SLC12A2: variants seen among roughly 807,000 people sequenced by gnomAD.
SLC12A2 encodes the protein Na-K-2Cl cotransporter 1.
A neutral mutation model predicts 136.3 loss-of-function variants in SLC12A2; 67 were observed. That is an observed-to-expected ratio of 0.49 (90% CI 0.40 to 0.60). SLC12A2 has a LOEUF of 0.60. Among genes scored for constraint, SLC12A2 ranks in the 20% least tolerant of loss-of-function variants. SLC12A2 has a pLI of 0.00. For missense variants in SLC12A2, 1,322 were observed against 1,534.7 expected (o/e 0.86, Z 2.32); for synonymous variants, 619 against 562.9 (o/e 1.10, Z -1.41).
At chr5:128,158,701 T>C (rs1762939650) in intron 16 of SLC12A2, among the ~76,000 whole-genome samples, 1 of 152,194 alleles carries the variant, frequency 6.6e-6, no homozygotes, top group African/African-American at 2.4e-5. Context: ...CAATTTATGT[T>C]CCTTTGGATA....
intron 6 of SLC12A2, among the ~76,000 whole-genome samples, chr5:128,134,639 T>C (rs995080780): frequency 1.3e-5 from 2 of 152,086 alleles, no homozygotes; most frequent in Non-Finnish European, 2.9e-5. Context: ...TAAATAAAAG[T>C]TATTGCCCAC....
At position 128,112,870 on chromosome 5, in the gene SLC12A2, T is replaced by C; in HGVS notation, c.813T>C (p.Ala271=). 1 of 1,613,302 alleles carries C rather than the reference T, an allele frequency of 6.2e-7. No individual in the cohort carries two copies. The change falls in exon 2 of 27, where the codon GCT becomes GCC. Residue 271 remains alanine (A), a synonymous_variant. Coordinates refer to ENST00000262461, the MANE Select transcript of SLC12A2 (RefSeq NM_001046.3). The part of the protein sequence containing the change: ...NGEESTPTRD[A]VVTYTAESKG... ...AAGAAAGTACTCCAACCAGAGATGCTGTGGTCACGTATACTGCAGAAAGTA... is the reference window on the plus strand; with the variant it reads ...AAGAAAGTACTCCAACCAGAGATGCCGTGGTCACGTATACTGCAGAAAGTA...
chr5:128,148,385 A>G (rs1353139674), intron 11 of SLC12A2, among the ~76,000 whole-genome samples: 3 of 151,826 alleles, frequency 2.0e-5, no homozygotes, highest in Non-Finnish European at 4.4e-5. Flanking sequence ...AAGTGTTATA[A>G]TCAAGATTTT....
At chr5:128,119,333 G>A (rs1761467320) in intron 4 of SLC12A2, among the ~76,000 whole-genome samples, 1 of 152,024 alleles carries the variant, frequency 6.6e-6, no homozygotes, top group Non-Finnish European at 1.5e-5. Flanking sequence ...CAAAGGTTGG[G>A]GAACATTATG....
In SLC12A2 at chr5:128,112,870, T is replaced by A; in HGVS notation, c.813T>A (p.Ala271=). The A allele has an allele frequency of 1.9e-6, 3 of 1,613,302 alleles. No individual in the cohort carries two copies. Among genetic ancestry groups the A allele is most frequent in the Non-Finnish European group, 2.5e-6 (3 of 1,179,374 alleles). ...NGEESTPTRD[A]VVTYTAESKG... ...AAGAAAGTACTCCAACCAGAGATGC[T>A]GTGGTCACGTATACTGCAGAAAGTA... The change falls in exon 2 of 27, where the codon GCT becomes GCA. Residue 271 remains alanine (A), a synonymous_variant. Transcript: ENST00000262461.
At chr5:128,160,623 G>A (rs938677023) in intron 16 of SLC12A2, among the ~76,000 whole-genome samples, 10 of 152,176 alleles carry the variant, frequency 6.6e-5, no homozygotes, top group Non-Finnish European at 1.0e-4. Context: ...TTTTTAATCC[G>A]AAAGTAGTTT....
At chr5:128,096,489 T>G (rs1302004648) in intron 1 of SLC12A2, among the ~76,000 whole-genome samples, 2 of 152,084 alleles carry the variant, frequency 1.3e-5, no homozygotes, top group Admixed American at 6.6e-5. Flanking sequence ...ATAGGAAGAT[T>G]TTTTTCTTTG....
chr5:128,105,750 T>C (rs976881380), intron 1 of SLC12A2, among the ~76,000 whole-genome samples: 6 of 152,238 alleles, frequency 3.9e-5, no homozygotes, highest in Non-Finnish European at 8.8e-5. Context: ...GAAGTAATGA[T>C]GATGGAGACC....
chr5:128,129,007 CTT>C (rs758913992), intron 4 of SLC12A2, among the ~76,000 whole-genome samples: 56 of 151,958 alleles, frequency 3.7e-4, no homozygotes, highest in African/African-American at 1.1e-3. Context: ...TTGTGAAAGA[CTT>C]TTAAATCTTT....
chr5:128,184,388 A>G lies in SLC12A2; in HGVS notation c.3322A>G (p.Ile1108Val), dbSNP rs1404706330. The change falls in exon 25 of 27, where the codon ATT becomes GTT. Residue 1108 changes from isoleucine (I) to valine (V), a missense_variant. By Grantham distance (29) the Ile-to-Val change is conservative. Transcript: ENST00000262461. ...KENIIAFEEI[I>V]EPYRLHEDDK... ...AAGTATTATAGCTTTTGAGGAAATC[A>G]TTGAGCCATACAGACTTCATGAAGA... The G allele has an allele frequency of 6.4e-7, 1 of 1,563,580 alleles. No homozygotes were observed. Among genetic ancestry groups the G allele is most frequent in the South Asian group, 1.2e-5 (1 of 83,464 alleles).
intron 17 of SLC12A2, among the ~76,000 whole-genome samples, chr5:128,166,857 C>T (rs1763221149): frequency 1.3e-5 from 2 of 151,876 alleles, no homozygotes; most frequent in African/African-American, 2.4e-5. Context: ...TGTGTGTGCA[C>T]ACAATCTTGG....
chr5:128,150,142 T>C, intron 13 of SLC12A2, 44 bp downstream of exon 13: 1 of 1,236,806 alleles, frequency 8.1e-7, no homozygotes, highest in South Asian at 1.2e-5. Context: ...TCATTTTTGA[T>C]TGCAAAGAAA....
intron 17 of SLC12A2, among the ~76,000 whole-genome samples, chr5:128,165,744 A>C (rs771537891): frequency 9.2e-5 from 14 of 152,132 alleles, no homozygotes; most frequent in Non-Finnish European, 1.9e-4. Flanking sequence ...AGAGTACAGC[A>C]AGTTGTTATT....
At chr5:128,144,700 C>A (rs1037383955) in intron 10 of SLC12A2, among the ~76,000 whole-genome samples, 11 of 152,078 alleles carry the variant, frequency 7.2e-5, no homozygotes, top group Non-Finnish European at 1.5e-4. Flanking sequence ...TGTACACACA[C>A]ACATGCATAC....
At chr5:128,178,073 T>C (rs998041951) in intron 21 of SLC12A2, among the ~76,000 whole-genome samples, 1 of 152,180 alleles carries the variant, frequency 6.6e-6, no homozygotes, top group Admixed American at 6.5e-5. Flanking sequence ...ATTGTAAGAA[T>C]GTGTTAGTAT....
chr5:128,161,687 A>T lies in SLC12A2; in HGVS notation c.2503A>T (p.Met835Leu). The change falls in exon 17 of 27, where the codon ATG becomes TTG. Residue 835 changes from methionine (M) to leucine (L), a missense_variant. This residue lies in a region of SLC12A2 where 294 missense variants were observed against 436.6 expected (regional missense o/e 0.67). Coordinates refer to ENST00000262461, the MANE Select transcript of SLC12A2 (RefSeq NM_001046.3). ...TCCTCGAAGACAAGCCATGAAAGAGATGTCCATCGATCAAGCCAAATATCA... is the reference window on the plus strand; with the variant it reads ...TCCTCGAAGACAAGCCATGAAAGAGTTGTCCATCGATCAAGCCAAATATCA... ...MGPRRQAMKE[M>L]SIDQAKYQRW... is the part of the protein sequence containing the mutation. 1.4e-6 allele frequency: 2 copies of T among 1,471,032 alleles called. No individual in the cohort carries two copies. The highest frequency in any genetic ancestry group is 1.8e-6 in the Non-Finnish European group (2 of 1,111,968). The allele number at this position is 1,471,032 out of a possible 1,614,324, so 91.1% of individuals were successfully genotyped here. A position where few individuals can be genotyped will look rare whatever the true frequency, so the allele number is the denominator to read the frequency against.
chr5:128,099,053 C>T (rs543424962), intron 1 of SLC12A2, among the ~76,000 whole-genome samples: 1 of 152,244 alleles, frequency 6.6e-6, no homozygotes, highest in Non-Finnish European at 1.5e-5. Flanking sequence ...ATTTTCTTTC[C>T]TGTCTTTGCT....
intron 6 of SLC12A2, among the ~76,000 whole-genome samples, chr5:128,135,320 G>A (rs1581099413): frequency 6.6e-6 from 1 of 151,964 alleles, no homozygotes; most frequent in African/African-American, 2.4e-5. Flanking sequence ...TGTCCAGCAT[G>A]TTCTCCATGT....
intron 6 of SLC12A2, 33 bp downstream of exon 6, chr5:128,134,308 A>G: frequency 9.2e-7 from 1 of 1,082,392 alleles, no homozygotes; most frequent in Non-Finnish European, 1.4e-6. Flanking sequence ...GTAAATATTT[A>G]ATACGTAAAC....
Sources: allele counts gnomAD v4.1 joint callset (sites outside exome capture counted in the v4.1 genomes callset), GRCh38; gene constraint gnomAD v4.1.1; regional missense constraint gnomAD v4.1.1; transcripts MANE v1.5; gene names NCBI Gene and HGNC (gene_info 2026-07-23, HGNC 2026-07-21).